ERAP2: variants seen among roughly 807,000 people sequenced by gnomAD.
ERAP2 encodes the protein leukocyte-derived arginine aminopeptidase.
ERAP2 carries 118 observed loss-of-function variants against 111.1 expected under a neutral mutation model. The observed-to-expected ratio is 1.06, with a 90% CI of 0.92 to 1.24. ERAP2 has a LOEUF of 1.24. Ranked by LOEUF, ERAP2 falls within the 50% of genes most tolerant of loss-of-function variation. The probability of loss-of-function intolerance (pLI) is 0.00; values close to 1 mark genes in which losing one functional copy is unlikely to be tolerated. For synonymous variants in ERAP2, 410 were observed against 401.2 expected (o/e 1.02, Z -0.26); for missense variants, 1,131 against 1,125.8 (o/e 1.00, Z -0.07).
intron 15 of ERAP2, among the ~76,000 whole-genome samples, chr5:96,911,866 CAAAA>C (rs386358295): frequency 3.5e-5 from 2 of 56,632 alleles, no homozygotes; most frequent in Non-Finnish European, 6.7e-5. Context: ...GACCCTGTCT[CAAAA>C]AAAAAAAAAA....
intron 17 of ERAP2, among the ~76,000 whole-genome samples, chr5:96,915,459 T>C (rs1288843049): frequency 4.1e-5 from 6 of 145,202 alleles, no homozygotes; most frequent in African/African-American, 1.3e-4. Flanking sequence ...TAACTAACCA[T>C]ATTTCCCAAA....
intron 11 of ERAP2, 98 bp from the exon 12 acceptor site, chr5:96,902,176 G>A: frequency 2.7e-6 from 2 of 751,566 alleles, no homozygotes; most frequent in East Asian, 2.6e-5. Flanking sequence ...AAGGATGATG[G>A]GTACTTAGGT....
intron 10 of ERAP2, 33 bp from the exon 11 acceptor site, chr5:96,901,473 C>G (rs1410351531): frequency 6.2e-6 from 10 of 1,607,814 alleles, no homozygotes; most frequent in Middle Eastern, 1.7e-4. Flanking sequence ...TGTCTCCTCT[C>G]TCTTGAGTTA....
chr5:96,882,990 A>T (rs1480429056), intron 2 of ERAP2, among the ~76,000 whole-genome samples: 3 of 152,142 alleles, frequency 2.0e-5, no homozygotes, highest in African/African-American at 7.2e-5. Flanking sequence ...AGTTTCAGGC[A>T]TATCCTGGTG....
At chr5:96,890,266 G>C (rs1216690940) in intron 5 of ERAP2, among the ~76,000 whole-genome samples, 1 of 152,310 alleles carries the variant, frequency 6.6e-6, no homozygotes, top group East Asian at 1.9e-4. Flanking sequence ...GGATGAAACT[G>C]TTCCACCTCA....
intron 2 of ERAP2, chr5:96,881,130 C>A (rs1000661084): frequency 1.0e-5 from 3 of 300,486 alleles, no homozygotes; most frequent in Admixed American, 4.7e-5. Flanking sequence ...AGCCTTGGGG[C>A]GTCTTGTAAG....
At chr5:96,877,584 A>C (rs1782677551) in intron 1 of ERAP2, among the ~76,000 whole-genome samples, 1 of 152,258 alleles carries the variant, frequency 6.6e-6, no homozygotes, top group African/African-American at 2.4e-5. Flanking sequence ...GGAAGGTATA[A>C]TTATTACACT....
chr5:96,885,129 C>T (rs1561362799), intron 3 of ERAP2, among the ~76,000 whole-genome samples: 1 of 152,210 alleles, frequency 6.6e-6, no homozygotes, highest in African/African-American at 2.4e-5. Context: ...CGCCCATTTG[C>T]CTCCGAACCA....
Position 96,886,638 on chromosome 5 carries a change from C to T in ERAP2, c.715-17C>T. 1 of 1,489,112 alleles carries T rather than the reference C, an allele frequency of 6.7e-7. No individual in the cohort carries two copies. The highest frequency in any genetic ancestry group is 1.4e-5 in the African/African-American group (1 of 72,756). 92.2% of individuals were successfully genotyped at this position (1,489,112 alleles called of 1,614,324 possible). ...CTCCAGTTTTCAAGTACTGATTATT[C>T]CTTTTCCTTTCTGTAGGTTAAGACA... On this transcript the variant is annotated splice_polypyrimidine_tract_variant and intron_variant, in intron 3 of 18. Transcript: ENST00000437043.
At chr5:96,905,567 C>T (rs1785973414) in intron 13 of ERAP2, among the ~76,000 whole-genome samples, 1 of 152,116 alleles carries the variant, frequency 6.6e-6, no homozygotes, top group African/African-American at 2.4e-5. Context: ...ACTTTCCTCC[C>T]TGCTTTATGA....
chr5:96,903,766 A>T (rs1013354704), intron 13 of ERAP2, among the ~76,000 whole-genome samples: 1 of 152,226 alleles, frequency 6.6e-6, no homozygotes, highest in Non-Finnish European at 1.5e-5. Flanking sequence ...ATATTTTAAA[A>T]TGTGGAGAAC....
Position 96,887,303 on chromosome 5 carries a change from CT to C in ERAP2, c.849+529del, listed in dbSNP as rs34313928. 5.6e-4 allele frequency among the ~76,000 whole-genome samples: 77 copies of C among 137,486 alleles called. 1 individual carries two copies. Among genetic ancestry groups the C allele is most frequent in the South Asian group, 1.4e-3 (6 of 4,412 alleles). 90.2% of individuals were successfully genotyped at this position (137,486 alleles called of 152,430 possible). A position where few individuals can be genotyped will look rare whatever the true frequency, so the allele number is the denominator to read the frequency against. ...TTTTGGGCATGTATGTTGTTTCCGA[CT>C]TTTTTTTTTTTTTTGAGACAGAGTC... On this transcript the variant is annotated intron_variant, in intron 4 of 18. Coordinates refer to ENST00000437043, the MANE Select transcript of ERAP2 (RefSeq NM_022350.5).
intron 5 of ERAP2, chr5:96,889,607 TAG>T (rs2151141103): frequency 1.5e-6 from 1 of 659,938 alleles, no homozygotes; most frequent in East Asian, 2.5e-5. Context: ...GGAAGCCAGG[TAG>T]AGGGTCCAGG....
intron 3 of ERAP2, among the ~76,000 whole-genome samples, chr5:96,885,762 G>T (rs908065728): frequency 6.6e-6 from 1 of 152,126 alleles, no homozygotes; most frequent in African/African-American, 2.4e-5. Flanking sequence ...TCAGATTATT[G>T]GATCTGTATC....
At chr5:96,917,100 A>G (rs1039978509) in intron 18 of ERAP2, among the ~76,000 whole-genome samples, 1 of 152,126 alleles carries the variant, frequency 6.6e-6, no homozygotes, top group Non-Finnish European at 1.5e-5. Flanking sequence ...TTGGAAGACG[A>G]AGTGGTTTTA....
chr5:96,919,099 G>C lies in ERAP2; in HGVS notation c.*1494G>C, dbSNP rs1237750638. ...AACAATATGTAAATGACTGATGTTT[G>C]CATTATTAAGGAAGACTTGGGATGT... On this transcript the variant is annotated 3_prime_UTR_variant, in exon 19 of 19. Transcript: ENST00000437043. The C allele has an allele frequency of 6.6e-6, 1 of 152,174 alleles. No individual in the cohort carries two copies. The highest frequency in any genetic ancestry group is 1.5e-5 in the Non-Finnish European group (1 of 68,042). 9.4% of individuals were successfully genotyped at this position (152,174 alleles called of 1,614,324 possible). A position where few individuals can be genotyped will look rare whatever the true frequency, so the allele number is the denominator to read the frequency against.
intron 13 of ERAP2, among the ~76,000 whole-genome samples, chr5:96,908,535 G>A (rs1786354611): frequency 6.6e-6 from 1 of 152,114 alleles, no homozygotes; most frequent in African/African-American, 2.4e-5. Context: ...CAATGTACTT[G>A]GAGAAACAAG....
chr5:96,881,485 G>C (rs1210832998), intron 2 of ERAP2: 3 of 456,062 alleles, frequency 6.6e-6, no homozygotes, highest in Non-Finnish European at 1.3e-5. Context: ...TGGGAGGTAA[G>C]AGGAGTCTGG....
At chr5:96,878,920 C>T (rs754328009) in intron 1 of ERAP2, among the ~76,000 whole-genome samples, 5 of 151,918 alleles carry the variant, frequency 3.3e-5, no homozygotes, top group East Asian at 1.9e-4. Flanking sequence ...AGCGAGATTC[C>T]GTCTCAAAAA....
Sources: allele counts gnomAD v4.1 joint callset (sites outside exome capture counted in the v4.1 genomes callset), GRCh38; gene constraint gnomAD v4.1.1; transcripts MANE v1.5; gene names NCBI Gene and HGNC (gene_info 2026-07-23, HGNC 2026-07-21).